The following ELMO1 variants were observed in gnomAD, a reference collection of about 807,000 sequenced individuals.
The protein encoded by ELMO1 is engulfment and cell motility protein 1.
ELMO1 carries 26 observed loss-of-function variants against 98.9 expected under a neutral mutation model. The observed-to-expected ratio is 0.26, with a 90% CI of 0.19 to 0.36. The LOEUF is 0.36. Ranked by LOEUF, ELMO1 falls within the 10% of genes least tolerant of loss-of-function variation. The pLI, the probability that ELMO1 is intolerant of heterozygous loss-of-function variation, is 1.00. For missense variants in ELMO1, 627 were observed against 935.2 expected (o/e 0.67, Z 4.30); for synonymous variants, 346 against 346.0 (o/e 1.00, Z 0.00).
rs548631214 is a variant in ELMO1, at chr7:37,358,773, G to C, written c.-73-16010C>G. ...AGACCTGGACTGGAATGTAAAAGCA[G>C]GTAATGTGTTAAGCCCGGGCACAAG... On this transcript the variant is annotated intron_variant, in intron 1 of 21. Transcript: ENST00000310758. Among the ~76,000 whole-genome samples, 52 of 152,276 alleles carry C rather than the reference G, an allele frequency of 3.4e-4. No homozygotes were observed. The South Asian group carries it at 0.011, about 31-fold the overall frequency.
chr7:37,343,487 C>CT (rs10571805), intron 1 of ELMO1, among the ~76,000 whole-genome samples: 1,479 of 92,734 alleles, frequency 0.016, 33 homozygotes, highest in African/African-American at 0.03. Context: ...TAGCCCATTT[C>CT]TTTTTTTTTT....
At chr7:36,932,631 C>T (rs1214011219) in intron 16 of ELMO1, among the ~76,000 whole-genome samples, 6 of 152,214 alleles carry the variant, frequency 3.9e-5, no homozygotes, top group Admixed American at 3.9e-4. Flanking sequence ...GCTTCTGTAA[C>T]TGAAGAAAAA....
At chr7:37,234,229 G>C (rs527267640) in intron 7 of ELMO1, among the ~76,000 whole-genome samples, 8 of 152,062 alleles carry the variant, frequency 5.3e-5, no homozygotes, top group Non-Finnish European at 1.0e-4. Flanking sequence ...AATAAAGTTG[G>C]TTATATAGAT....
In ELMO1 at chr7:36,979,729, C is replaced by T. The variant is rs529469931; in HGVS notation, c.1437+33570G>A. Reference sequence around the variant, plus strand: ...TGTATATGACAAAGTTTCTGAAATGCGGACTTCAAATTGCTGGCTCATTAG... The same window carrying T: ...TGTATATGACAAAGTTTCTGAAATGTGGACTTCAAATTGCTGGCTCATTAG... On this transcript the variant is annotated intron_variant, in intron 16 of 21. Transcript: ENST00000310758. Among the ~76,000 whole-genome samples the T allele has an allele frequency of 2.6e-3, 401 of 152,284 alleles. 2 individuals carry two copies. The highest frequency in any genetic ancestry group is 4.2e-3 in the Non-Finnish European group (284 of 68,026).
chr7:37,071,484 C>CTA lies in ELMO1; in HGVS notation c.1300+25133_1300+25134dup, dbSNP rs750233179. Reference sequence around the variant, plus strand: ...CTGTGTTTCAGAGTCTTGAGTGGGACTATAGTTCAAGAACAGAATCAATTT... The same window carrying CTA: ...CTGTGTTTCAGAGTCTTGAGTGGGACTATATAGTTCAAGAACAGAATCAATTT... On this transcript the variant is annotated intron_variant, in intron 15 of 21. Coordinates refer to ENST00000310758, the MANE Select transcript of ELMO1 (RefSeq NM_014800.11). Among the ~76,000 whole-genome samples the CTA allele has an allele frequency of 1.8e-4, 27 of 152,186 alleles. 1 individual carries two copies. In the Middle Eastern group the frequency reaches 0.014, roughly 77 times the overall value.
rs145209147 is a variant in ELMO1 at position 37,270,027 on chromosome 7, G to C, written c.243+1805C>G. ...TAGAGAAGGCTTTGATTAAAAAGCT[G>C]TCTTTTAGACTCTAAAATGAAATAA... On this transcript the variant is annotated intron_variant, in intron 5 of 21. Coordinates refer to ENST00000310758, the MANE Select transcript of ELMO1 (RefSeq NM_014800.11). The C allele has an allele frequency of 3.3e-5, 5 of 152,232 alleles. No homozygotes were observed. The East Asian group carries it at 7.7e-4, about 24-fold the overall frequency. 9.4% of individuals were successfully genotyped at this position (152,232 alleles called of 1,614,324 possible).
At position 37,372,346 on chromosome 7, in the gene ELMO1, G is replaced by A. The variant is rs77828916; in HGVS notation, c.-73-29583C>T. On this transcript the variant is annotated intron_variant, in intron 1 of 21. Coordinates refer to ENST00000310758, the MANE Select transcript of ELMO1 (RefSeq NM_014800.11). ...CTAGCCAGGTGATTCTGGGTAAATC[G>A]GTTAACCTTGACAGGCCTCAGTTTC... is the stretch of plus-strand genomic sequence containing the variant. Among the ~76,000 whole-genome samples, 387 of 152,180 alleles carry A rather than the reference G, an allele frequency of 2.5e-3. 1 individual carries two copies. The highest frequency in any genetic ancestry group is 8.8e-3 in the African/African-American group (364 of 41,516).
intron 13 of ELMO1, among the ~76,000 whole-genome samples, chr7:37,179,789 T>C (rs1790731420): frequency 6.6e-6 from 1 of 152,102 alleles, no homozygotes; most frequent in African/African-American, 2.4e-5. Context: ...CAGCAACATA[T>C]CAAAATTGAG....
At chr7:37,432,621 G>A (rs115786970) in intron 1 of ELMO1, among the ~76,000 whole-genome samples, 4 of 152,212 alleles carry the variant, frequency 2.6e-5, no homozygotes, top group African/African-American at 4.8e-5. Context: ...GTCTAGAAAC[G>A]TATATTATCA....
chr7:37,009,191 G>C (rs545456605), intron 16 of ELMO1, among the ~76,000 whole-genome samples: 3 of 152,016 alleles, frequency 2.0e-5, no homozygotes, highest in Non-Finnish European at 4.4e-5. Context: ...AATGATTATG[G>C]GGCTACTTGT....
At chr7:37,178,216 A>T (rs1177597911) in intron 13 of ELMO1, among the ~76,000 whole-genome samples, 2 of 152,082 alleles carry the variant, frequency 1.3e-5, no homozygotes, top group Non-Finnish European at 2.9e-5. Context: ...CCTCACAATC[A>T]TGGCGGAAGG....
chr7:37,201,218 A>C (rs1038791279), intron 13 of ELMO1, among the ~76,000 whole-genome samples: 1 of 152,094 alleles, frequency 6.6e-6, no homozygotes, highest in Non-Finnish European at 1.5e-5. Flanking sequence ...ATAACTCCCC[A>C]CCAATGCTGG....
At chr7:37,371,058 T>C (rs1025138105) in intron 1 of ELMO1, among the ~76,000 whole-genome samples, 1 of 152,188 alleles carries the variant, frequency 6.6e-6, no homozygotes, top group African/African-American at 2.4e-5. Context: ...ATTCATAAAA[T>C]GGAATATACT....
At chr7:36,944,565 G>A (rs942495018) in intron 16 of ELMO1, among the ~76,000 whole-genome samples, 1 of 152,174 alleles carries the variant, frequency 6.6e-6, no homozygotes, top group Non-Finnish European at 1.5e-5. Context: ...AGTTCTACTG[G>A]TGAATATCAA....
chr7:37,348,182 T>C (rs531610960), intron 1 of ELMO1, among the ~76,000 whole-genome samples: 5 of 152,288 alleles, frequency 3.3e-5, no homozygotes, highest in South Asian at 2.1e-4. Flanking sequence ...CCTAGTGTTA[T>C]CAAAATTACC....
chr7:37,165,059 G>T (rs1049037166), intron 13 of ELMO1, among the ~76,000 whole-genome samples: 3 of 152,148 alleles, frequency 2.0e-5, no homozygotes, highest in Non-Finnish European at 4.4e-5. Flanking sequence ...CACATCCCTT[G>T]TAAGGTGGAT....
rs762414950 is a variant in ELMO1, at chr7:37,133,259, A to G, written c.1087-25T>C. 4.3e-5 allele frequency: 68 copies of G among 1,580,002 alleles called. 1 individual carries two copies. The South Asian group carries it at 7.6e-4, about 18-fold the overall frequency. On this transcript the variant is annotated intron_variant, in intron 13 of 21. Coordinates refer to ENST00000310758, the MANE Select transcript of ELMO1 (RefSeq NM_014800.11). ...TCTGTGAGTAAAACAAAATCATGATAAGGTGAATTCTTCAGCAGATTTTAC... is the reference window on the plus strand; with the variant it reads ...TCTGTGAGTAAAACAAAATCATGATGAGGTGAATTCTTCAGCAGATTTTAC...
intron 15 of ELMO1, among the ~76,000 whole-genome samples, chr7:37,063,199 T>C (rs1211666528): frequency 2.0e-5 from 3 of 152,192 alleles, no homozygotes; most frequent in African/African-American, 7.2e-5. Flanking sequence ...TCTTATGTGA[T>C]TGTCATTCAA....
chr7:37,422,829 AC>A (rs1237139726), intron 1 of ELMO1, among the ~76,000 whole-genome samples: 1 of 152,088 alleles, frequency 6.6e-6, no homozygotes, highest in African/African-American at 2.4e-5. Flanking sequence ...GCCATTTCAG[AC>A]TCTCTGGGCT....
Sources: gnomAD v4.1 joint callset for allele counts (sites outside exome capture counted in the v4.1 genomes callset) on GRCh38, gnomAD v4.1.1 for gene constraint, MANE v1.5 for transcripts, NCBI Gene and HGNC (gene_info 2026-07-23, HGNC 2026-07-21) for gene names.